The following MAGI3 variants were observed in gnomAD, a reference collection of about 807,000 sequenced individuals.
MAGI3 encodes membrane associated guanylate kinase, WW and PDZ domain containing 3.
In MAGI3, 43 loss-of-function variants were observed where a neutral mutation model predicts 121.8. The observed-to-expected ratio is 0.35, with a 90% CI of 0.28 to 0.46. The LOEUF is 0.46. MAGI3 is among the 20% of genes least tolerant of loss of function. The probability of loss-of-function intolerance (pLI) is 1.00; values close to 1 mark genes in which losing one functional copy is unlikely to be tolerated. For missense variants in MAGI3, 1,547 were observed against 1,797.3 expected (o/e 0.86, Z 2.52); for synonymous variants, 553 against 639.3 (o/e 0.86, Z 2.04).
intron 2 of MAGI3, among the ~76,000 whole-genome samples, chr1:113,562,232 C>T (rs528813696): frequency 6.6e-6 from 1 of 152,072 alleles, no homozygotes; most frequent in Non-Finnish European, 1.5e-5. Context: ...GGTGAAACCC[C>T]GTCTCTACCA....
rs118036413 is a variant in MAGI3, at chr1:113,557,466, G to T, written c.433+7835G>T. ...GTGTGGCCAGACTGTTTCTTTAAGC[G>T]GGACTCTGATCCGCTCCTCATCTCA... On this transcript the variant is annotated intron_variant, in intron 2 of 20. Coordinates refer to ENST00000307546, the MANE Select transcript of MAGI3 (RefSeq NM_001142782.2). Among the ~76,000 whole-genome samples, 4 of 152,128 alleles carry T rather than the reference G, an allele frequency of 2.6e-5. No individual in the cohort carries two copies. In the East Asian group the frequency reaches 7.8e-4, roughly 30 times the overall value.
chr1:113,577,834 G>C (rs1485941979), intron 2 of MAGI3, among the ~76,000 whole-genome samples: 2 of 152,118 alleles, frequency 1.3e-5, no homozygotes. Context: ...GACCAAAACA[G>C]AGTTCCTCCT....
intron 1 of MAGI3, among the ~76,000 whole-genome samples, chr1:113,512,016 T>C (rs1346044875): frequency 6.6e-6 from 1 of 152,186 alleles, no homozygotes; most frequent in Non-Finnish European, 1.5e-5. Context: ...TATTTCTCTT[T>C]AAATGTAGAG....
At chr1:113,533,747 C>T (rs1343480916) in intron 1 of MAGI3, among the ~76,000 whole-genome samples, 2 of 151,510 alleles carry the variant, frequency 1.3e-5, no homozygotes, top group African/African-American at 4.8e-5. Flanking sequence ...TCATCTTAAT[C>T]TCCCTTGATT....
In MAGI3 at chr1:113,585,365, G is replaced by T. The variant is rs142996095; in HGVS notation, c.554-22G>T. Reference sequence around the variant, plus strand: ...TCTCACTGCAACATTAGTAATTTCAGCTGCTATTTTATTCACTTCAGGAAA... The same window carrying T: ...TCTCACTGCAACATTAGTAATTTCATCTGCTATTTTATTCACTTCAGGAAA... On this transcript the variant is annotated intron_variant, in intron 3 of 20. Transcript: ENST00000307546. The T allele has an allele frequency of 3.2e-5, 51 of 1,607,098 alleles. No homozygotes were observed. The East Asian group carries it at 3.6e-4, about 11-fold the overall frequency.
chr1:113,480,776 G>A (rs1451105080), intron 1 of MAGI3, among the ~76,000 whole-genome samples: 1 of 152,064 alleles, frequency 6.6e-6, no homozygotes, highest in Non-Finnish European at 1.5e-5. Context: ...TGCATGGATT[G>A]TTGTTCAAAT....
intron 12 of MAGI3, 70 bp downstream of exon 12, chr1:113,646,712 C>A: frequency 1.7e-6 from 2 of 1,192,182 alleles, no homozygotes; most frequent in Non-Finnish European, 2.3e-6. Flanking sequence ...AGACTAGGAC[C>A]TTCCCATCTT....
At chr1:113,679,936 CTCAGG>C in intron 19 of MAGI3, among the ~76,000 whole-genome samples, 1 of 152,186 alleles carries the variant, frequency 6.6e-6, no homozygotes, top group South Asian at 2.1e-4. Flanking sequence ...AACTCCCGAC[CTCAGG>C]TGATCCACCA....
chr1:113,421,407 C>T lies in MAGI3; in HGVS notation c.316+30058C>T, dbSNP rs7537645. On this transcript the variant is annotated intron_variant, in intron 1 of 20. Coordinates refer to ENST00000307546, the MANE Select transcript of MAGI3 (RefSeq NM_001142782.2). ...TAGAAAGGGCTTTGACAAGTTGTCTCATCTAACTCTCTGCTTTAAAGAGGC... is the reference window on the plus strand; with the variant it reads ...TAGAAAGGGCTTTGACAAGTTGTCTTATCTAACTCTCTGCTTTAAAGAGGC... 1.7e-3 allele frequency among the ~76,000 whole-genome samples: 263 copies of T among 152,306 alleles called. 1 individual carries two copies. Among genetic ancestry groups the T allele is most frequent in the African/African-American group, 5.9e-3 (245 of 41,560 alleles).
intron 6 of MAGI3, among the ~76,000 whole-genome samples, chr1:113,610,244 C>T (rs1288940177): frequency 6.6e-6 from 1 of 152,102 alleles, no homozygotes; most frequent in Non-Finnish European, 1.5e-5. Context: ...TGCCATTCTC[C>T]TGCCTCAGCC....
chr1:113,530,197 A>G (rs559375162), intron 1 of MAGI3, among the ~76,000 whole-genome samples: 1 of 152,034 alleles, frequency 6.6e-6, no homozygotes, highest in South Asian at 2.1e-4. Context: ...CACAGTTTCT[A>G]TGTACTGTTC....
rs116318378 is a variant in MAGI3 at position 113,673,136 on chromosome 1, A to T, written c.3046-186A>T. Among the ~76,000 whole-genome samples the T allele has an allele frequency of 0.021, 3,267 of 152,336 alleles. 116 individuals carry two copies. The highest frequency in any genetic ancestry group is 0.074 in the African/African-American group (3,085 of 41,570). On this transcript the variant is annotated intron_variant, in intron 18 of 20. Transcript: ENST00000307546. ...ACTAGAAAAGACATGTAACCTTCAG[A>T]TTAATTTAGGCTGCATTTATAAAAA...
intron 7 of MAGI3, chr1:113,618,441 T>G: frequency 2.4e-6 from 1 of 416,064 alleles, no homozygotes; most frequent in Non-Finnish European, 4.7e-6. Context: ...AAAACAATCA[T>G]GTTCTGAAAT....
intron 1 of MAGI3, among the ~76,000 whole-genome samples, chr1:113,431,238 A>G (rs1198559465): frequency 1.3e-5 from 2 of 152,238 alleles, no homozygotes; most frequent in East Asian, 3.8e-4. Flanking sequence ...TCATTGCTTG[A>G]GCCCAAGAGT....
chr1:113,643,944 C>A (rs963015353), intron 11 of MAGI3, among the ~76,000 whole-genome samples, 170 bp downstream of exon 11: 1 of 152,158 alleles, frequency 6.6e-6, no homozygotes, highest in Admixed American at 6.5e-5. Context: ...TTGAAAAAGC[C>A]CCCTAGTGAG....
At chr1:113,600,546 C>T (rs1174168434) in intron 6 of MAGI3, among the ~76,000 whole-genome samples, 3 of 152,120 alleles carry the variant, frequency 2.0e-5, no homozygotes, top group South Asian at 2.1e-4. Flanking sequence ...AGGAGAACTA[C>T]AAACCACTGC....
chr1:113,429,238 C>T (rs1306993281), intron 1 of MAGI3, among the ~76,000 whole-genome samples: 1 of 152,212 alleles, frequency 6.6e-6, no homozygotes, highest in Non-Finnish European at 1.5e-5. Flanking sequence ...ACATTGTTAG[C>T]TGCATACGTG....
chr1:113,396,193 G>A (rs2101274552), intron 1 of MAGI3, among the ~76,000 whole-genome samples: 1 of 151,978 alleles, frequency 6.6e-6, no homozygotes, highest in Middle Eastern at 3.4e-3. Flanking sequence ...TTTTTGGGGG[G>A]ACTTAGTGTT....
Position 113,625,327 on chromosome 1 carries a change from A to G in MAGI3, c.1360+2333A>G, listed in dbSNP as rs908879616. 2.0e-5 allele frequency among the ~76,000 whole-genome samples: 3 copies of G among 152,318 alleles called. No homozygotes were observed. The Middle Eastern group carries it at 0.01, about 518-fold the overall frequency. ...GAAAAGAATATTGATTCTTCCAACT[A>G]TGAACATGAAATATCTTTTCATTTT... is the stretch of plus-strand genomic sequence containing the variant. On this transcript the variant is annotated intron_variant, in intron 9 of 20. Transcript: ENST00000307546.
Sources: allele counts gnomAD v4.1 joint callset (sites outside exome capture counted in the v4.1 genomes callset), GRCh38; gene constraint gnomAD v4.1.1; transcripts MANE v1.5; gene names NCBI Gene and HGNC (gene_info 2026-07-23, HGNC 2026-07-21).